Variants in USP12 observed in about 807,000 individuals in gnomAD.
USP12 encodes ubiquitin specific peptidase 12, also known as ubiquitin carboxyl-terminal hydrolase 12.
A neutral mutation model predicts 45.5 loss-of-function variants in USP12; 19 were observed. The ratio of observed to expected loss-of-function variants is 0.42; its 90% CI spans 0.29 to 0.61. USP12 has a LOEUF of 0.61. Ranked by LOEUF, USP12 falls within the 20% of genes least tolerant of loss-of-function variation. The pLI, the probability that USP12 is intolerant of heterozygous loss-of-function variation, is 0.22. For synonymous variants in USP12, 149 were observed against 148.8 expected, an observed-to-expected ratio of 1.00 and a Z score of -0.01; for missense variants, 242 against 447.7, an observed-to-expected ratio of 0.54 and a Z score of 4.15.
At chr13:27,092,693 T>C (rs180868058) in intron 4 of USP12, among the ~76,000 whole-genome samples, 22 of 152,286 alleles carry the variant, frequency 1.4e-4, no homozygotes, top group African/African-American at 5.3e-4. Flanking sequence ...GAATAAACTT[T>C]CTAATACCTT....
Position 27,086,197 on chromosome 13 carries a change from A to AAT in USP12, c.734+3684_734+3685dup, listed in dbSNP as rs1555233236. ...TTTAAAAAAAAAAAAAAAAAAAAAAAATATATATATATATATATATATGCG... is the reference window on the plus strand; with the variant it reads ...TTTAAAAAAAAAAAAAAAAAAAAAAAATATATATATATATATATATATATGCG... On this transcript the variant is annotated intron_variant, in intron 6 of 8. Coordinates refer to ENST00000282344, the MANE Select transcript of USP12 (RefSeq NM_182488.4). Among the ~76,000 whole-genome samples the AAT allele has an allele frequency of 5.6e-3, 318 of 56,902 alleles. 3 individuals are homozygous for AAT. Among genetic ancestry groups the AAT allele is most frequent in the Middle Eastern group, 0.012 (1 of 84 alleles). 37.3% of individuals were successfully genotyped at this position (56,902 alleles called of 152,430 possible).
intron 1 of USP12, among the ~76,000 whole-genome samples, chr13:27,144,489 A>G (rs1877216952): frequency 7.6e-6 from 1 of 132,142 alleles, no homozygotes; most frequent in Non-Finnish European, 1.6e-5. Context: ...CAACAGGGCA[A>G]GACTCTCTTT....
At chr13:27,127,264 G>C (rs565933448) in intron 1 of USP12, among the ~76,000 whole-genome samples, 1 of 152,308 alleles carries the variant, frequency 6.6e-6, no homozygotes, top group African/African-American at 2.4e-5. Context: ...TTGCACCATT[G>C]TGGTACACAT....
At chr13:27,154,623 C>T (rs1877731557) in intron 1 of USP12, among the ~76,000 whole-genome samples, 1 of 152,056 alleles carries the variant, frequency 6.6e-6, no homozygotes, top group African/African-American at 2.4e-5. Context: ...TGATTTTCAC[C>T]TCTAATACAT....
At chr13:27,141,551 A>G (rs192371639) in intron 1 of USP12, among the ~76,000 whole-genome samples, 1 of 152,234 alleles carries the variant, frequency 6.6e-6, no homozygotes, top group Non-Finnish European at 1.5e-5. Context: ...TGATAAAAAC[A>G]TGACAAACAA....
At chr13:27,130,327 C>T (rs1194806174) in intron 1 of USP12, among the ~76,000 whole-genome samples, 1 of 152,216 alleles carries the variant, frequency 6.6e-6, no homozygotes, top group East Asian at 1.9e-4. Context: ...TACTAAATCT[C>T]TATCAAGTCA....
chr13:27,123,277 C>T (rs1195446088), intron 1 of USP12, among the ~76,000 whole-genome samples: 1 of 152,154 alleles, frequency 6.6e-6, no homozygotes, highest in Non-Finnish European at 1.5e-5. Context: ...TTCCAGACCT[C>T]AGTTTCCTCA....
At chr13:27,169,281 C>G (rs1244098529) in intron 1 of USP12, 1 of 152,112 alleles carries the variant, frequency 6.6e-6, no homozygotes, top group Non-Finnish European at 1.5e-5. Flanking sequence ...TCAAGTAAGG[C>G]TCCCTGCTTA....
At chr13:27,094,283 T>C (rs1319096971) in intron 4 of USP12, among the ~76,000 whole-genome samples, 1 of 151,674 alleles carries the variant, frequency 6.6e-6, no homozygotes. Context: ...GCAGGTGGGT[T>C]ACTTGAGGGC....
intron 2 of USP12, among the ~76,000 whole-genome samples, chr13:27,113,909 G>A (rs377493420): frequency 3.3e-5 from 5 of 152,232 alleles, no homozygotes; most frequent in Admixed American, 6.5e-5. Flanking sequence ...ACCCAAAAAT[G>A]GAAAGTTTCA....
chr13:27,134,332 G>A (rs1343735098), intron 1 of USP12, among the ~76,000 whole-genome samples: 7 of 152,076 alleles, frequency 4.6e-5, no homozygotes, highest in Non-Finnish European at 7.4e-5. Flanking sequence ...ATCACATTTG[G>A]CTTGCCATAT....
chr13:27,121,723 T>C (rs1875999985), intron 1 of USP12, among the ~76,000 whole-genome samples: 2 of 151,946 alleles, frequency 1.3e-5, no homozygotes, highest in South Asian at 4.1e-4. Flanking sequence ...TAGGTGGGCA[T>C]GGTGGCAGGC....
At chr13:27,139,823 C>T (rs914673985) in intron 1 of USP12, among the ~76,000 whole-genome samples, 1 of 152,080 alleles carries the variant, frequency 6.6e-6, no homozygotes, top group Non-Finnish European at 1.5e-5. Context: ...TTATGTGTGC[C>T]AGGAACTATG....
chr13:27,162,429 T>G (rs1329204987), intron 1 of USP12, among the ~76,000 whole-genome samples: 2 of 152,198 alleles, frequency 1.3e-5, no homozygotes, highest in Non-Finnish European at 2.9e-5. Context: ...GTCTAGAAAT[T>G]TGGACCCCAT....
At chr13:27,076,548 T>C (rs912179429) in intron 6 of USP12, among the ~76,000 whole-genome samples, 2 of 152,204 alleles carry the variant, frequency 1.3e-5, no homozygotes, top group Admixed American at 6.5e-5. Context: ...GTGATTATGG[T>C]TCTTTTCTTC....
At chr13:27,160,495 T>A (rs1352190828) in intron 1 of USP12, among the ~76,000 whole-genome samples, 26 of 145,178 alleles carry the variant, frequency 1.8e-4, no homozygotes, top group Admixed American at 4.8e-4. Context: ...GAACTGTCTT[T>A]AAAAAAAAAA....
intron 7 of USP12, among the ~76,000 whole-genome samples, chr13:27,072,372 AG>A (rs1873286548): frequency 6.6e-6 from 1 of 152,210 alleles, no homozygotes; most frequent in African/African-American, 2.4e-5. Flanking sequence ...CCTTTGGCAA[AG>A]AACTAGTTTG....
chr13:27,138,701 G>A (rs1876921628), intron 1 of USP12, among the ~76,000 whole-genome samples: 1 of 152,134 alleles, frequency 6.6e-6, no homozygotes, highest in Non-Finnish European at 1.5e-5. Flanking sequence ...GTGACAGGCT[G>A]TTTACCTACA....
intron 1 of USP12, among the ~76,000 whole-genome samples, chr13:27,169,794 AC>A (rs1011135149): frequency 2.0e-5 from 3 of 152,226 alleles, no homozygotes; most frequent in Non-Finnish European, 2.9e-5. Context: ...GAATGTAAAC[AC>A]CAAGAAAACA....
Sources: allele counts gnomAD v4.1 joint callset (sites outside exome capture counted in the v4.1 genomes callset), GRCh38; gene constraint gnomAD v4.1.1; transcripts MANE v1.5; gene names NCBI Gene and HGNC (gene_info 2026-07-23, HGNC 2026-07-21).